CSMD1: variants seen among roughly 807,000 people sequenced by gnomAD.
CSMD1 encodes CUB and sushi domain-containing protein 1.
Under a neutral mutation model 417.5 loss-of-function variants are expected in CSMD1, and 213 were observed. The observed-to-expected ratio is 0.51, with a 90% CI of 0.46 to 0.57. CSMD1 has a LOEUF of 0.57. Ranked by LOEUF, CSMD1 falls within the 20% of genes least tolerant of loss-of-function variation. The pLI is 0.00. For synonymous variants in CSMD1, 2,862 were observed against 1,736.8 expected, an observed-to-expected ratio of 1.65 and a Z score of -16.11; for missense variants, 6,923 against 4,529.7, an observed-to-expected ratio of 1.53 and a Z score of -15.17.
At chr8:4,227,706 G>A (rs1458664570) in intron 3 of CSMD1, among the ~76,000 whole-genome samples, 1 of 151,860 alleles carries the variant, frequency 6.6e-6, no homozygotes, top group Non-Finnish European at 1.5e-5. Context: ...CACACCTGGA[G>A]ACACACCCTC....
At position 3,969,605 on chromosome 8, in the gene CSMD1, G is replaced by C. The variant is rs1321458775; in HGVS notation, c.818+28298C>G. Among the ~76,000 whole-genome samples, 4 of 152,132 alleles carry C rather than the reference G, an allele frequency of 2.6e-5. No homozygotes were observed. The South Asian group carries it at 8.3e-4, about 32-fold the overall frequency. On this transcript the variant is annotated intron_variant, in intron 5 of 69. Coordinates refer to ENST00000635120, the MANE Select transcript of CSMD1 (RefSeq NM_033225.6). ...TTGAAATTTCATTCCATCGTAACTT[G>C]ACATAAAATTAAATAAAGATTTAAG...
At chr8:3,425,532 G>A (rs1813782943) in intron 12 of CSMD1, among the ~76,000 whole-genome samples, 1 of 141,592 alleles carries the variant, frequency 7.1e-6, no homozygotes, top group Admixed American at 7.6e-5. Flanking sequence ...AGGTTGCAGT[G>A]ATCTGAGATT....
chr8:3,438,218 A>C (rs187527013), intron 12 of CSMD1, among the ~76,000 whole-genome samples: 1 of 152,206 alleles, frequency 6.6e-6, no homozygotes, highest in Non-Finnish European at 1.5e-5. Context: ...CAGTTGTAAG[A>C]GGTAATACAA....
Position 3,250,651 on chromosome 8 carries a change from T to C in CSMD1, c.4154-20420A>G, listed in dbSNP as rs1585796750. 2.0e-5 allele frequency among the ~76,000 whole-genome samples: 3 copies of C among 152,252 alleles called. No individual in the cohort carries two copies. The South Asian group carries it at 6.2e-4, about 31-fold the overall frequency. ...ATCGCCACACTGTCTTCCACAATCA[T>C]TGAACTAGTTTATGGTCCCACCAAC... On this transcript the variant is annotated intron_variant, in intron 26 of 69. Coordinates refer to ENST00000635120, the MANE Select transcript of CSMD1 (RefSeq NM_033225.6).
chr8:4,038,606 A>T (rs776131495), intron 3 of CSMD1, among the ~76,000 whole-genome samples: 7 of 152,210 alleles, frequency 4.6e-5, no homozygotes, highest in Non-Finnish European at 5.9e-5. Flanking sequence ...ACACATGAAG[A>T]ATTTAGTAAA....
At chr8:4,912,785 C>T (rs1012750671) in intron 1 of CSMD1, among the ~76,000 whole-genome samples, 1 of 127,124 alleles carries the variant, frequency 7.9e-6, no homozygotes, top group African/African-American at 3.1e-5. Flanking sequence ...ACAGCACCAG[C>T]TATTTTTTTT....
intron 2 of CSMD1, among the ~76,000 whole-genome samples, chr8:4,433,658 G>C (rs563199560): frequency 1.3e-5 from 2 of 152,270 alleles, no homozygotes; most frequent in East Asian, 3.9e-4. Context: ...TTGTCTGAAA[G>C]AGCTACACTC....
At chr8:4,390,860 G>A (rs74299149) in intron 3 of CSMD1, among the ~76,000 whole-genome samples, 28,186 of 151,938 alleles carry the variant, frequency 0.19, 2,818 homozygotes, top group Admixed American at 0.31. Context: ...CAATTTTAAG[G>A]TGTACCTCAC....
At position 2,999,845 on chromosome 8, in the gene CSMD1, T is replaced by G. The variant is rs763873006; in HGVS notation, c.8203+113A>C. The G allele has an allele frequency of 4.4e-6, 4 of 917,116 alleles. No individual in the cohort carries two copies. The South Asian group carries it at 8.1e-5, about 18-fold the overall frequency. The allele number at this position is 917,116 out of a possible 1,614,324, so 56.8% of individuals were successfully genotyped here. A position where few individuals can be genotyped will look rare whatever the true frequency, so the allele number is the denominator to read the frequency against. ...TCTTTGTATAGGCAAAACTGAAAGT[T>G]TGCTGTTCCCTTTTACAGTGAAGAT... On this transcript the variant is annotated intron_variant, in intron 53 of 69. Transcript: ENST00000635120.
At chr8:4,679,726 T>G (rs1584935851) in intron 1 of CSMD1, among the ~76,000 whole-genome samples, 1 of 152,238 alleles carries the variant, frequency 6.6e-6, no homozygotes, top group African/African-American at 2.4e-5. Context: ...GATTTGAAAT[T>G]TATTAGTTTC....
intron 12 of CSMD1, among the ~76,000 whole-genome samples, chr8:3,422,299 G>C (rs1813544894): frequency 6.6e-6 from 1 of 152,136 alleles, no homozygotes; most frequent in Non-Finnish European, 1.5e-5. Flanking sequence ...TCAATGCTCA[G>C]CCAATAATTT....
intron 25 of CSMD1, among the ~76,000 whole-genome samples, chr8:3,302,284 C>G (rs1364949559): frequency 6.6e-6 from 1 of 152,132 alleles, no homozygotes; most frequent in Non-Finnish European, 1.5e-5. Flanking sequence ...CTAGAAGTTT[C>G]TTTAATGTTT....
chr8:3,953,474 G>A (rs2407191), intron 5 of CSMD1, among the ~76,000 whole-genome samples: 1 of 151,986 alleles, frequency 6.6e-6, no homozygotes, highest in African/African-American at 2.4e-5. Flanking sequence ...CACACACAGA[G>A]AGAGGTGTAT....
chr8:4,272,532 C>A (rs1458273288), intron 3 of CSMD1, among the ~76,000 whole-genome samples: 1 of 152,136 alleles, frequency 6.6e-6, no homozygotes, highest in Non-Finnish European at 1.5e-5. Flanking sequence ...ACATGCATAA[C>A]AAGTGATTTG....
chr8:3,118,644 G>C (rs888369502), intron 41 of CSMD1, 57 bp from the exon 42 acceptor site: 7 of 1,485,066 alleles, frequency 4.7e-6, no homozygotes, highest in Admixed American at 3.7e-5. Flanking sequence ...AATTACTTCG[G>C]AATTTGCAGG....
intron 10 of CSMD1, among the ~76,000 whole-genome samples, chr8:3,535,517 G>T (rs1280842090): frequency 1.3e-5 from 2 of 152,110 alleles, no homozygotes; most frequent in African/African-American, 4.8e-5. Flanking sequence ...CATAGAGTGT[G>T]ACCTGTAAGA....
Position 4,480,166 on chromosome 8 carries a change from C to T in CSMD1, c.303-60101G>A, listed in dbSNP as rs182762556. Reference sequence around the variant, plus strand: ...GTTTTCTACTATTTTCCTAATACCACGAGAGTGCATTGTTATCTCACAAAA... The same window carrying T: ...GTTTTCTACTATTTTCCTAATACCATGAGAGTGCATTGTTATCTCACAAAA... On this transcript the variant is annotated intron_variant, in intron 2 of 69. Coordinates refer to ENST00000635120, the MANE Select transcript of CSMD1 (RefSeq NM_033225.6). 1.4e-3 allele frequency among the ~76,000 whole-genome samples: 199 copies of T among 144,242 alleles called. 1 individual carries two copies. The highest frequency in any genetic ancestry group is 4.8e-3 in the African/African-American group (179 of 37,536). 94.6% of individuals were successfully genotyped at this position (144,242 alleles called of 152,430 possible). A position where few individuals can be genotyped will look rare whatever the true frequency, so the allele number is the denominator to read the frequency against.
At chr8:3,839,996 G>T (rs1188746019) in intron 5 of CSMD1, among the ~76,000 whole-genome samples, 1 of 152,128 alleles carries the variant, frequency 6.6e-6, no homozygotes, top group Non-Finnish European at 1.5e-5. Flanking sequence ...TGCATTTAAA[G>T]GTCATGTCAA....
intron 1 of CSMD1, among the ~76,000 whole-genome samples, chr8:4,938,613 T>C (rs1051829350): frequency 2.0e-5 from 3 of 152,156 alleles, no homozygotes; most frequent in Admixed American, 1.3e-4. Flanking sequence ...TAAACATTTA[T>C]ACAAGCACAT....
Sources: gnomAD v4.1 joint callset for allele counts (sites outside exome capture counted in the v4.1 genomes callset) on GRCh38, gnomAD v4.1.1 for gene constraint, MANE v1.5 for transcripts, NCBI Gene and HGNC (gene_info 2026-07-23, HGNC 2026-07-21) for gene names.